ANKRD12: variants seen among roughly 807,000 people sequenced by gnomAD.
The protein encoded by ANKRD12 is ankyrin repeat domain-containing protein 12.
ANKRD12 carries 85 observed loss-of-function variants against 183.4 expected under a neutral mutation model. That is an observed-to-expected ratio of 0.46 (90% CI 0.39 to 0.56). ANKRD12 has a LOEUF of 0.56. Ranked by LOEUF, ANKRD12 falls within the 20% of genes least tolerant of loss-of-function variation. The probability of loss-of-function intolerance (pLI) is 0.00; values close to 1 mark genes in which losing one functional copy is unlikely to be tolerated. For synonymous variants in ANKRD12, 914 were observed against 800.2 expected, an observed-to-expected ratio of 1.14 and a Z score of -2.40; for missense variants, 2,405 against 2,357.1, an observed-to-expected ratio of 1.02 and a Z score of -0.42.
chr18:9,212,330 C>T (rs987058489), intron 6 of ANKRD12, among the ~76,000 whole-genome samples: 1 of 151,786 alleles, frequency 6.6e-6, no homozygotes, highest in Non-Finnish European at 1.5e-5. Context: ...CTATGGTTAA[C>T]GCTTAGGAGG....
Position 9,216,780 on chromosome 18 carries a change from T to G in ANKRD12, c.675T>G (p.Ala225=). The G allele has an allele frequency of 1.2e-6, 2 of 1,613,420 alleles. No individual in the cohort carries two copies. Among genetic ancestry groups the G allele is most frequent in the Non-Finnish European group, 1.7e-6 (2 of 1,179,636 alleles). The part of the protein sequence containing the change: ...DFAGWTPLHE[A]CNVGYYDVAK... ...TAGGTTGGACACCACTGCATGAAGCTTGCAATGTTGGATATTACGATGTTG... is the reference window on the plus strand; with the variant it reads ...TAGGTTGGACACCACTGCATGAAGCGTGCAATGTTGGATATTACGATGTTG... The change falls in exon 7 of 13, where the codon GCT becomes GCG. Residue 225 remains alanine (A), a synonymous_variant. Coordinates refer to ENST00000262126, the MANE Select transcript of ANKRD12 (RefSeq NM_015208.5).
In ANKRD12 at chr18:9,216,800, A is replaced by G. The variant is rs767504840; in HGVS notation, c.695A>G (p.Asp232Gly). The stretch of plus-strand genomic sequence containing the variant: ...GAAGCTTGCAATGTTGGATATTACG[A>G]TGTTGCTAAGATACTTATAGCAGCT... ...LHEACNVGYY[D>G]VAKILIAAGA... The change falls in exon 7 of 13, where the codon GAT becomes GGT. Residue 232 changes from aspartate (D) to glycine (G), a missense_variant. This residue lies in a region of ANKRD12 where 39 missense variants were observed against 104.8 expected (regional missense o/e 0.37). Transcript: ENST00000262126. 6.2e-7 allele frequency: 1 copy of G among 1,613,674 alleles called. No homozygotes were observed. Among genetic ancestry groups the G allele is most frequent in the Non-Finnish European group, 8.5e-7 (1 of 1,179,692 alleles).
chr18:9,140,750 A>T (rs1033015811), intron 1 of ANKRD12, among the ~76,000 whole-genome samples: 2 of 152,216 alleles, frequency 1.3e-5, no homozygotes, highest in East Asian at 1.9e-4. Context: ...TAGTGCTTTC[A>T]ATTGATAATC....
Position 9,167,625 on chromosome 18 carries a change from G to A in ANKRD12, c.-51-14757G>A, listed in dbSNP as rs1278159064. 3.9e-4 allele frequency among the ~76,000 whole-genome samples: 60 copies of A among 152,204 alleles called. 2 individuals are homozygous for A. The highest frequency in any genetic ancestry group is 1.2e-3 in the African/African-American group (50 of 41,524). ...GCTTGAGGAGATTTTGGGCTGAGAC[G>A]ATGGGGTTTTCTAGATACACAATCA... On this transcript the variant is annotated intron_variant, in intron 1 of 12. Transcript: ENST00000262126.
chr18:9,194,080 T>C (rs1004008288), intron 2 of ANKRD12, among the ~76,000 whole-genome samples: 4 of 152,198 alleles, frequency 2.6e-5, no homozygotes, highest in African/African-American at 9.6e-5. Context: ...CCTGGATAGA[T>C]TATTCTTTGG....
Position 9,285,870 on chromosome 18 carries a change from AATTT to A in ANKRD12, c.*4748_*4751del, listed in dbSNP as rs1301037043. 6.6e-6 allele frequency: 1 copy of A among 152,164 alleles called. No individual in the cohort carries two copies. Among genetic ancestry groups the A allele is most frequent in the Non-Finnish European group, 1.5e-5 (1 of 68,022 alleles). 9.4% of individuals were successfully genotyped at this position (152,164 alleles called of 1,614,324 possible). A position where few individuals can be genotyped will look rare whatever the true frequency, so the allele number is the denominator to read the frequency against. On this transcript the variant is annotated 3_prime_UTR_variant, in exon 13 of 13. Transcript: ENST00000262126. ...GTTGCACCTAACAGTAATGAGTCGT[AATTT>A]ATTAATGAGTAGTAGTGTATTGTAC...
chr18:9,255,633 G>T lies in ANKRD12; in HGVS notation c.2366G>T (p.Gly789Val). 1 of 1,574,282 alleles carries T rather than the reference G, an allele frequency of 6.4e-7. No individual in the cohort carries two copies. Among genetic ancestry groups the T allele is most frequent in the Non-Finnish European group, 8.5e-7 (1 of 1,169,708 alleles). ...AAAGACTCAGAATTTACTTCTTTGGGTATGAGTGCCATTGAGGAATCTATA... is the reference window on the plus strand; with the variant it reads ...AAAGACTCAGAATTTACTTCTTTGGTTATGAGTGCCATTGAGGAATCTATA... ...TDKDSEFTSL[G>V]MSAIEESIGL... Residue 789 changes from glycine (G) to valine (V), a missense_variant, in exon 9 of 13, where the codon GGT (glycine) becomes GTT (valine). Transcript: ENST00000262126.
At chr18:9,264,728 G>T (rs2039179592) in intron 10 of ANKRD12, among the ~76,000 whole-genome samples, 1 of 152,094 alleles carries the variant, frequency 6.6e-6, no homozygotes, top group Non-Finnish European at 1.5e-5. Flanking sequence ...GCAATAAGAA[G>T]TCAGGTAATA....
intron 8 of ANKRD12, among the ~76,000 whole-genome samples, chr18:9,248,396 C>T (rs2038089545): frequency 6.6e-6 from 1 of 152,126 alleles, no homozygotes; most frequent in Admixed American, 6.5e-5. Context: ...TTTTTCATTG[C>T]TGTTTCTCAA....
At chr18:9,271,425 A>G (rs575652650) in intron 10 of ANKRD12, among the ~76,000 whole-genome samples, 146 of 152,308 alleles carry the variant, frequency 9.6e-4, no homozygotes, top group African/African-American at 3.1e-3. Context: ...AGGCTGAGGC[A>G]GGAGAACGGC....
chr18:9,210,599 G>A (rs548918112), intron 5 of ANKRD12, among the ~76,000 whole-genome samples: 22 of 151,838 alleles, frequency 1.4e-4, no homozygotes, highest in Admixed American at 5.3e-4. Flanking sequence ...GCACACGCCC[G>A]TAATCCAGCC....
At chr18:9,265,814 A>G (rs1420091797) in intron 10 of ANKRD12, among the ~76,000 whole-genome samples, 2 of 152,224 alleles carry the variant, frequency 1.3e-5, no homozygotes, top group East Asian at 1.9e-4. Context: ...CAGATGATCA[A>G]ACTACTCCGA....
Position 9,255,116 on chromosome 18 carries a change from G to C in ANKRD12, c.1849G>C (p.Gly617Arg). 1 of 1,577,544 alleles carries C rather than the reference G, an allele frequency of 6.3e-7. No individual in the cohort carries two copies. The highest frequency in any genetic ancestry group is 8.6e-7 in the Non-Finnish European group (1 of 1,168,552). Reference protein sequence around the residue: ...KHQKDFHLEFGEKSNAKIKDE... With the variant: ...KHQKDFHLEFREKSNAKIKDE... ...TCAGAAAGATTTCCACTTAGAATTT[G>C]GTGAAAAATCAAATGCCAAAATAAA... The change falls in exon 9 of 13, where the codon GGT becomes CGT. Residue 617 changes from glycine (G) to arginine (R), a missense_variant. Physicochemically the swap from Gly to Arg is moderately radical, Grantham distance 125. Coordinates refer to ENST00000262126, the MANE Select transcript of ANKRD12 (RefSeq NM_015208.5).
intron 1 of ANKRD12, among the ~76,000 whole-genome samples, chr18:9,169,075 G>A (rs570149061): frequency 6.6e-6 from 1 of 152,226 alleles, no homozygotes; most frequent in South Asian, 2.1e-4. Context: ...TTGCACTGTG[G>A]TCTGAGAGAC....
At chr18:9,165,518 C>T (rs1188683041) in intron 1 of ANKRD12, among the ~76,000 whole-genome samples, 2 of 152,134 alleles carry the variant, frequency 1.3e-5, no homozygotes. Context: ...TGCATTCCCT[C>T]TCCCTGAGCC....
rs777041446 is a variant in ANKRD12, at chr18:9,258,357, A to G, written c.5090A>G (p.Asn1697Ser). 3 of 1,613,796 alleles carry G rather than the reference A, an allele frequency of 1.9e-6. No homozygotes were observed. Among genetic ancestry groups the G allele is most frequent in the Non-Finnish European group, 1.7e-6 (2 of 1,179,936 alleles). Residue 1697 changes from asparagine to serine, a missense_variant, in exon 9 of 13, where the codon AAC (asparagine) becomes AGC (serine). Asn to Ser is a conservative substitution (Grantham distance 46, BLOSUM62 1). Coordinates refer to ENST00000262126, the MANE Select transcript of ANKRD12 (RefSeq NM_015208.5). The stretch of plus-strand genomic sequence containing the variant: ...CAAAGCATTTTATCAAGTCTGGAAA[A>G]CCATTCACAGCAGTCAACTCAACCA... ...SQQSILSSLE[N>S]HSQQSTQPEM...
At chr18:9,244,533 A>G (rs1158126905) in intron 8 of ANKRD12, among the ~76,000 whole-genome samples, 1 of 152,186 alleles carries the variant, frequency 6.6e-6, no homozygotes, top group Non-Finnish European at 1.5e-5. Flanking sequence ...AGCAACAAGC[A>G]ATTGACATAC....
chr18:9,235,588 C>G (rs1421719244), intron 8 of ANKRD12: 1 of 455,846 alleles, frequency 2.2e-6, no homozygotes, highest in Non-Finnish European at 4.4e-6. Context: ...ATACTGTACT[C>G]CTGCTATGGC....
Position 9,283,097 on chromosome 18 carries a change from TG to T in ANKRD12, c.*1972del, listed in dbSNP as rs2040159053. 6.6e-6 allele frequency: 1 copy of T among 152,540 alleles called. No individual in the cohort carries two copies. The highest frequency in any genetic ancestry group is 1.9e-4 in the East Asian group (1 of 5,200). The allele number at this position is 152,540 out of a possible 1,614,324, so 9.4% of individuals were successfully genotyped here. On this transcript the variant is annotated 3_prime_UTR_variant, in exon 13 of 13. Coordinates refer to ENST00000262126, the MANE Select transcript of ANKRD12 (RefSeq NM_015208.5). ...TTACTGCAAAGTTTGTTTATACTTTTGCCTAAAAAGGAAATTGGATGGGATA... is the reference window on the plus strand; with the variant it reads ...TTACTGCAAAGTTTGTTTATACTTTTCCTAAAAAGGAAATTGGATGGGATA...
Sources: allele counts gnomAD v4.1 joint callset (sites outside exome capture counted in the v4.1 genomes callset), GRCh38; gene constraint gnomAD v4.1.1; regional missense constraint gnomAD v4.1.1; transcripts MANE v1.5; gene names NCBI Gene and HGNC (gene_info 2026-07-23, HGNC 2026-07-21).